The following IFT20 variants were observed in gnomAD, a reference collection of about 807,000 sequenced individuals.
The protein encoded by IFT20 is intraflagellar transport protein 20 homolog.
IFT20 carries 4 observed loss-of-function variants against 16.9 expected under a neutral mutation model. The ratio of observed to expected loss-of-function variants is 0.24; its 90% confidence interval spans 0.12 to 0.54. IFT20 has a LOEUF of 0.54. Ranked by LOEUF, IFT20 falls within the 20% of genes least tolerant of loss-of-function variation. The probability of loss-of-function intolerance (pLI) is 0.95; values close to 1 mark genes in which losing one functional copy is unlikely to be tolerated. For missense variants in IFT20, 154 were observed against 149.7 expected, an observed-to-expected ratio of 1.03 and a Z score of -0.15; for synonymous variants, 48 against 49.9, an observed-to-expected ratio of 0.96 and a Z score of 0.16.
At position 28,331,898 on chromosome 17, in the gene IFT20, T is replaced by C. The variant is rs202135970; in HGVS notation, c.88A>G (p.Thr30Ala). 3 of 1,614,202 alleles carry C rather than the reference T, an allele frequency of 1.9e-6. No individual in the cohort carries two copies. The highest frequency in any genetic ancestry group is 1.7e-5 in the Admixed American group (1 of 60,020). Residue 30 changes from threonine (T) to alanine (A), a missense_variant, in exon 2 of 5, where the codon ACC becomes GCC. By Grantham distance (58) the Thr-to-Ala change is moderately conservative. Transcript: ENST00000395418. ...RVLDPEVTQQTIELKEECKDF... is the reference protein window; with the variant it reads ...RVLDPEVTQQAIELKEECKDF... ...TTGCACTCTTCCTTCAGCTCTATGG[T>C]CTGCTGGGTAACCTCTGGGTCCAAC...
Position 28,331,839 on chromosome 17 carries a change from T to G in IFT20, c.127+20A>C. On this transcript the variant is annotated intron_variant, in intron 2 of 4. Transcript: ENST00000395418. ...ATGGCAGCTCAAAGCTGAGTGGCAC[T>G]GTATCTCCCCAATACTCACTGTCCA... 6.2e-7 allele frequency: 1 copy of G among 1,614,138 alleles called. No homozygotes were observed. Among genetic ancestry groups the G allele is most frequent in the East Asian group, 2.2e-5 (1 of 44,888 alleles).
At chr17:28,334,803 G>A (rs994977250) in intron 1 of IFT20, among the ~76,000 whole-genome samples, 1 of 152,222 alleles carries the variant, frequency 6.6e-6, no homozygotes, top group Admixed American at 6.5e-5. Context: ...ATGGGGCTTA[G>A]CAATGGACTG....
intron 2 of IFT20, chr17:28,331,595 T>C: frequency 2.3e-6 from 1 of 440,468 alleles, no homozygotes; most frequent in Non-Finnish European, 4.1e-6. Context: ...AAGTTTAAGG[T>C]TTCTAAGAGC....
At chr17:28,332,287 A>G (rs1304916963) in intron 1 of IFT20, 3 of 1,362,022 alleles carry the variant, frequency 2.2e-6, no homozygotes, top group Non-Finnish European at 3.0e-6. Flanking sequence ...TTCAACACAC[A>G]TTTCTTGAGT....
At position 28,331,931 on chromosome 17, in the gene IFT20, G is replaced by A; in HGVS notation, c.55C>T (p.Leu19=). 1 of 1,614,206 alleles carries A rather than the reference G, an allele frequency of 6.2e-7. No individual in the cohort carries two copies. The highest frequency in any genetic ancestry group is 8.5e-7 in the Non-Finnish European group (1 of 1,180,042). Reference sequence around the variant, plus strand: ...GTAACCTCTGGGTCCAACACCCTCAGCTTGTTCAGTTCATCAAAGTGTAGC... The same window carrying A: ...GTAACCTCTGGGTCCAACACCCTCAACTTGTTCAGTTCATCAAAGTGTAGC... The part of the protein sequence containing the change: ...AGLHFDELNK[L]RVLDPEVTQQ... The change falls in exon 2 of 5, where the codon CTG becomes TTG. Residue 19 remains leucine (L), a synonymous_variant. Transcript: ENST00000395418.
At position 28,333,597 on chromosome 17, in the gene IFT20, A is replaced by T. The variant is rs114115999; in HGVS notation, c.-2-1610T>A. Among the ~76,000 whole-genome samples, 130 of 152,258 alleles carry T rather than the reference A, an allele frequency of 8.5e-4. 2 individuals are homozygous for T. Among genetic ancestry groups the T allele is most frequent in the African/African-American group, 3.0e-3 (126 of 41,546 alleles). ...TAAGTGAGCTAGCATCATCCTTTTG[A>T]AGCATTTTGTTCATCTGTAGCTTCC... On this transcript the variant is annotated intron_variant, in intron 1 of 4. Transcript: ENST00000395418.
intron 1 of IFT20, chr17:28,332,298 G>T: frequency 8.0e-7 from 1 of 1,257,590 alleles, no homozygotes; most frequent in Non-Finnish European, 1.1e-6. Context: ...TTTCTTGAGT[G>T]CCTACTACAT....
At chr17:28,333,070 A>AC (rs1377473131) in intron 1 of IFT20, among the ~76,000 whole-genome samples, 2 of 55,278 alleles carry the variant, frequency 3.6e-5, no homozygotes, top group Non-Finnish European at 6.9e-5. Context: ...GTTCTGGCTC[A>AC]AAACACACAC....
intron 1 of IFT20, 138 bp from the exon 2 acceptor site, chr17:28,332,125 C>CA (rs1906827904): frequency 6.4e-7 from 1 of 1,568,754 alleles, no homozygotes; most frequent in African/African-American, 1.3e-5. Flanking sequence ...TTCCCTCTGC[C>CA]ACCACCTCTC....
At chr17:28,328,959 T>G in intron 4 of IFT20, 1 of 617,284 alleles carries the variant, frequency 1.6e-6, no homozygotes, top group Non-Finnish European at 2.9e-6. Flanking sequence ...CCTTTCATGC[T>G]CAAACTACTA....
chr17:28,332,423 G>T (rs116651354), intron 1 of IFT20: 2 of 483,148 alleles, frequency 4.1e-6, no homozygotes, highest in Non-Finnish European at 3.8e-6. Flanking sequence ...ACCACACTGC[G>T]TTAAATGCTT....
chr17:28,333,072 A>AACACACACACACACACAC (rs56753724), intron 1 of IFT20, among the ~76,000 whole-genome samples: 2,866 of 144,480 alleles, frequency 0.02, 50 homozygotes, highest in East Asian at 0.033. Context: ...TCTGGCTCAA[A>AACACACACACACACACAC]ACACACACAC....
intron 3 of IFT20, chr17:28,329,532 G>C: frequency 2.3e-6 from 1 of 426,984 alleles, no homozygotes; most frequent in African/African-American, 2.0e-5. Context: ...ACATTTGGTG[G>C]TGCCATTCAG....
intron 1 of IFT20, among the ~76,000 whole-genome samples, chr17:28,333,106 C>CACAA (rs3222917): frequency 1.3e-5 from 2 of 150,838 alleles, no homozygotes; most frequent in South Asian, 4.2e-4. Context: ...CACACACACA[C>CACAA]AATTAAACAT....
At chr17:28,330,123 C>A in intron 3 of IFT20, 1 of 611,704 alleles carries the variant, frequency 1.6e-6, no homozygotes, top group Non-Finnish European at 2.9e-6. Context: ...GTAGTCCCAC[C>A]TACTCGGGAG....
intron 2 of IFT20, among the ~76,000 whole-genome samples, chr17:28,330,783 G>A (rs1555576466): frequency 6.6e-6 from 1 of 152,164 alleles, no homozygotes; most frequent in East Asian, 1.9e-4. Context: ...TCCAGCCTGG[G>A]GAACATAGCA....
rs782179280 is a variant in IFT20 at position 28,330,436 on chromosome 17, A to C, written c.213+7T>G. 13 of 1,598,168 alleles carry C rather than the reference A, an allele frequency of 8.1e-6. No homozygotes were observed. Among genetic ancestry groups the C allele is most frequent in the Non-Finnish European group, 1.1e-5 (13 of 1,165,410 alleles). On this transcript the variant is annotated splice_region_variant and intron_variant, in intron 3 of 4. Coordinates refer to ENST00000395418, the MANE Select transcript of IFT20 (RefSeq NM_001267776.2). ...CAAGATGTAGGCGGAAGACATGCTG[A>C]TCTTACCTTCATCTTTTCATTTTCT... is the stretch of plus-strand genomic sequence containing the variant.
intron 2 of IFT20, 53 bp from the exon 3 acceptor site, chr17:28,330,581 T>C: frequency 8.4e-7 from 1 of 1,187,824 alleles, no homozygotes; most frequent in South Asian, 1.2e-5. Flanking sequence ...ATCACTCCCC[T>C]TCGGTAGAGT....
chr17:28,333,631 G>A (rs1906934235), intron 1 of IFT20, among the ~76,000 whole-genome samples: 1 of 152,136 alleles, frequency 6.6e-6, no homozygotes, highest in Admixed American at 6.5e-5. Context: ...CCTTAAAATA[G>A]GGCTTTTTAA....
Sources: allele counts gnomAD v4.1 joint callset (sites outside exome capture counted in the v4.1 genomes callset), GRCh38; gene constraint gnomAD v4.1.1; transcripts MANE v1.5; gene names NCBI Gene and HGNC (gene_info 2026-07-23, HGNC 2026-07-21).